MYRFL: variants seen among roughly 807,000 people sequenced by gnomAD.
MYRFL encodes the protein myelin regulatory factor like.
In MYRFL, 88 loss-of-function variants were observed where a neutral mutation model predicts 109.4. The observed-to-expected ratio is 0.80, with a 90% CI of 0.68 to 0.96. The LOEUF (loss-of-function observed/expected upper bound fraction) is 0.96, where lower values mean the gene tolerates loss of function less well. Among genes scored for constraint, MYRFL ranks in the 40% least tolerant of loss-of-function variants. The pLI is 0.00. For missense variants in MYRFL, 957 were observed against 954.9 expected (o/e 1.00, Z -0.03); for synonymous variants, 324 against 320.9 (o/e 1.01, Z -0.10).
At chr12:69,945,911 C>T (rs1304797136) in intron 19 of MYRFL, among the ~76,000 whole-genome samples, 4 of 127,834 alleles carry the variant, frequency 3.1e-5, no homozygotes, top group African/African-American at 8.8e-5. Context: ...GGCGTGAACC[C>T]GGGAGGCGGA....
intron 13 of MYRFL, among the ~76,000 whole-genome samples, chr12:69,915,544 G>T (rs543116642): frequency 6.6e-6 from 1 of 152,128 alleles, no homozygotes. Flanking sequence ...GCAACCAAAG[G>T]GGGTGATCGT....
rs148175631 is a variant in MYRFL at position 69,908,487 on chromosome 12, G to A, written c.1384-1482G>A. On this transcript the variant is annotated intron_variant, in intron 11 of 24. Coordinates refer to ENST00000552032, the MANE Select transcript of MYRFL (RefSeq NM_182530.3). Reference sequence around the variant, plus strand: ...GCTTTTGAGTCTGGGAAAACAGCATGAACAAAGGCTGGAAAGTGAAAGGAG... The same window carrying A: ...GCTTTTGAGTCTGGGAAAACAGCATAAACAAAGGCTGGAAAGTGAAAGGAG... Among the ~76,000 whole-genome samples the A allele has an allele frequency of 8.6e-3, 1,315 of 152,314 alleles. 9 individuals are homozygous for A. Among genetic ancestry groups the A allele is most frequent in the Non-Finnish European group, 0.013 (899 of 68,030 alleles).
intron 1 of MYRFL, among the ~76,000 whole-genome samples, chr12:69,848,297 A>G (rs1954640943): frequency 6.6e-6 from 1 of 152,024 alleles, no homozygotes; most frequent in South Asian, 2.1e-4. Context: ...TCTTTGAGAT[A>G]AACTTTAGAA....
chr12:69,925,559 CAG>C (rs72190054), intron 13 of MYRFL, among the ~76,000 whole-genome samples: 55,950 of 151,668 alleles, frequency 0.37, 11,176 homozygotes, highest in East Asian at 0.71. Context: ...AACTTGCAAA[CAG>C]AGAGAAAGAT....
At position 69,914,348 on chromosome 12, in the gene MYRFL, C is replaced by T. The variant is rs1274294452; in HGVS notation, c.1602+3418C>T. Among the ~76,000 whole-genome samples the T allele has an allele frequency of 5.9e-5, 9 of 151,912 alleles. No individual in the cohort carries two copies. In the East Asian group the frequency reaches 1.7e-3, roughly 29 times the overall value. ...AAGCTTTTTTTCATAAGCTTTCTGTCATGAAAGGAAAGGAGTATAAACACA... is the reference window on the plus strand; with the variant it reads ...AAGCTTTTTTTCATAAGCTTTCTGTTATGAAAGGAAAGGAGTATAAACACA... On this transcript the variant is annotated intron_variant, in intron 13 of 24. Coordinates refer to ENST00000552032, the MANE Select transcript of MYRFL (RefSeq NM_182530.3).
intron 16 of MYRFL, 29 bp from the exon 17 acceptor site, chr12:69,936,084 T>A: frequency 8.2e-7 from 1 of 1,212,228 alleles, no homozygotes; most frequent in Non-Finnish European, 1.1e-6. Flanking sequence ...TAATGTTTTT[T>A]TTTTTTTTTT....
intron 13 of MYRFL, among the ~76,000 whole-genome samples, chr12:69,911,738 T>A (rs1460009499): frequency 1.3e-5 from 2 of 152,230 alleles, no homozygotes; most frequent in African/African-American, 4.8e-5. Context: ...ATTTGTTTTA[T>A]ACTGCATTAT....
At chr12:69,871,468 G>A (rs1349506693) in intron 2 of MYRFL, among the ~76,000 whole-genome samples, 7 of 152,004 alleles carry the variant, frequency 4.6e-5, no homozygotes, top group African/African-American at 7.2e-5. Flanking sequence ...TCTTGACCTC[G>A]TGATCCACCC....
chr12:69,879,748 C>A (rs976974688), intron 4 of MYRFL, among the ~76,000 whole-genome samples: 3 of 152,204 alleles, frequency 2.0e-5, no homozygotes, highest in African/African-American at 7.2e-5. Context: ...AGCTAGACTA[C>A]CCAAAGGGAT....
At chr12:69,940,582 C>T (rs1055683784) in intron 19 of MYRFL, among the ~76,000 whole-genome samples, 1 of 152,026 alleles carries the variant, frequency 6.6e-6, no homozygotes, top group Non-Finnish European at 1.5e-5. Context: ...CAACCGGTAC[C>T]AGCCACTGCA....
intron 2 of MYRFL, among the ~76,000 whole-genome samples, chr12:69,867,254 T>C (rs1024607984): frequency 6.6e-6 from 1 of 152,152 alleles, no homozygotes; most frequent in Non-Finnish European, 1.5e-5. Flanking sequence ...AGGTATGCAA[T>C]GCTGCTTTGA....
intron 13 of MYRFL, among the ~76,000 whole-genome samples, chr12:69,924,472 T>C (rs1056529909): frequency 1.3e-5 from 2 of 152,232 alleles, no homozygotes; most frequent in Non-Finnish European, 2.9e-5. Context: ...CATAGTATAC[T>C]GCTATGCAAA....
intron 1 of MYRFL, among the ~76,000 whole-genome samples, chr12:69,829,698 C>T (rs912713497): frequency 5.3e-5 from 8 of 152,116 alleles, no homozygotes; most frequent in Admixed American, 2.0e-4. Context: ...CAGAATGGTC[C>T]GGTGAATAGA....
At chr12:69,847,773 A>G (rs766241053) in intron 1 of MYRFL, among the ~76,000 whole-genome samples, 1 of 152,214 alleles carries the variant, frequency 6.6e-6, no homozygotes, top group Non-Finnish European at 1.5e-5. Context: ...AGATATAGGC[A>G]ATCATTAAGA....
chr12:69,874,979 GTATA>G (rs1885572032), intron 2 of MYRFL, among the ~76,000 whole-genome samples: 5 of 149,118 alleles, frequency 3.4e-5, no homozygotes, highest in Admixed American at 1.3e-4. Context: ...AGATATAAAT[GTATA>G]TATCTAAGAT....
chr12:69,868,039 C>T (rs572279707), intron 2 of MYRFL, among the ~76,000 whole-genome samples: 1 of 151,806 alleles, frequency 6.6e-6, no homozygotes, highest in Non-Finnish European at 1.5e-5. Context: ...GACTCCAGCT[C>T]GACTAACTGC....
At chr12:69,875,696 G>A (rs1481527813) in intron 2 of MYRFL, among the ~76,000 whole-genome samples, 2 of 152,206 alleles carry the variant, frequency 1.3e-5, no homozygotes, top group Non-Finnish European at 2.9e-5. Flanking sequence ...CTGCACAGGC[G>A]AGGGGGATCT....
At chr12:69,876,701 C>T (rs899306897) in intron 2 of MYRFL, among the ~76,000 whole-genome samples, 2 of 152,168 alleles carry the variant, frequency 1.3e-5, no homozygotes, top group African/African-American at 4.8e-5. Flanking sequence ...GAAAATACTA[C>T]GTTTTCCTCG....
At chr12:69,910,377 A>G (rs1260452334) in intron 12 of MYRFL, among the ~76,000 whole-genome samples, 1 of 152,086 alleles carries the variant, frequency 6.6e-6, no homozygotes, top group East Asian at 1.9e-4. Flanking sequence ...GGCTCAACCT[A>G]TGTGAGGAAC....
Sources: allele counts gnomAD v4.1 joint callset (sites outside exome capture counted in the v4.1 genomes callset), GRCh38; gene constraint gnomAD v4.1.1; transcripts MANE v1.5; gene names NCBI Gene and HGNC (gene_info 2026-07-23, HGNC 2026-07-21).